DGKB: variants seen among roughly 807,000 people sequenced by gnomAD.
DGKB encodes diacylglycerol kinase beta.
DGKB carries 67 observed loss-of-function variants against 114.3 expected under a neutral mutation model. The ratio of observed to expected loss-of-function variants is 0.59; its 90% CI spans 0.48 to 0.72. The LOEUF (loss-of-function observed/expected upper bound fraction) is 0.72, where lower values mean the gene tolerates loss of function less well. DGKB is among the 30% of genes least tolerant of loss of function. DGKB has a pLI of 0.00. For synonymous variants in DGKB, 398 were observed against 323.1 expected, an observed-to-expected ratio of 1.23 and a Z score of -2.49; for missense variants, 907 against 975.2, an observed-to-expected ratio of 0.93 and a Z score of 0.93.
intron 13 of DGKB, among the ~76,000 whole-genome samples, chr7:14,661,549 G>A (rs1030907349): frequency 6.6e-6 from 1 of 151,100 alleles, no homozygotes; most frequent in African/African-American, 2.4e-5. Context: ...AAAAAGTCAG[G>A]AAACAACAGG....
intron 17 of DGKB, among the ~76,000 whole-genome samples, chr7:14,604,308 T>C (rs760803419): frequency 1.3e-5 from 2 of 152,102 alleles, no homozygotes; most frequent in Non-Finnish European, 2.9e-5. Context: ...GTTTTAGTAT[T>C]TGCCAGATAA....
intron 1 of DGKB, among the ~76,000 whole-genome samples, chr7:14,948,409 T>C (rs1282208547): frequency 2.0e-5 from 3 of 151,712 alleles, no homozygotes; most frequent in African/African-American, 4.8e-5. Flanking sequence ...TTCATTAGAA[T>C]GTTAAGGAAA....
At chr7:14,740,146 C>G (rs1001101647) in intron 4 of DGKB, among the ~76,000 whole-genome samples, 1 of 152,228 alleles carries the variant, frequency 6.6e-6, no homozygotes, top group Non-Finnish European at 1.5e-5. Flanking sequence ...GCCAAGGAGT[C>G]CAGCTCAGTG....
At chr7:14,710,761 T>A (rs1056591855) in intron 6 of DGKB, among the ~76,000 whole-genome samples, 9 of 152,150 alleles carry the variant, frequency 5.9e-5, no homozygotes, top group Non-Finnish European at 1.5e-5. Flanking sequence ...AATACTTTTA[T>A]GATTTTCTTC....
intron 9 of DGKB, among the ~76,000 whole-genome samples, chr7:14,687,746 T>A (rs186342134): frequency 6.6e-6 from 1 of 152,354 alleles, no homozygotes; most frequent in Admixed American, 6.5e-5. Flanking sequence ...TTCTTGTAAT[T>A]CTTGTCGTTT....
intron 20 of DGKB, among the ~76,000 whole-genome samples, chr7:14,525,057 T>A (rs1415557949): frequency 6.6e-6 from 1 of 152,146 alleles, no homozygotes; most frequent in Non-Finnish European, 1.5e-5. Context: ...TTTCTCTCCA[T>A]CTTGTGGCAT....
chr7:14,615,822 T>C (rs1806404454), intron 15 of DGKB, among the ~76,000 whole-genome samples: 1 of 151,730 alleles, frequency 6.6e-6, no homozygotes, highest in Non-Finnish European at 1.5e-5. Flanking sequence ...TTAGTTAATT[T>C]GATCTGTTTG....
chr7:14,316,072 T>C lies in DGKB; in HGVS notation c.2122+22443A>G, dbSNP rs952485589. Among the ~76,000 whole-genome samples the C allele has an allele frequency of 1.3e-4, 19 of 150,636 alleles. 1 individual carries two copies. The highest frequency in any genetic ancestry group is 4.5e-4 in the African/African-American group (18 of 40,378). The stretch of plus-strand genomic sequence containing the variant: ...GAAATGAAGGCAGAAATAAAGATGT[T>C]CTTTGAAACCAACGAGAACAAAGAC... On this transcript the variant is annotated intron_variant, in intron 23 of 25. Coordinates refer to ENST00000402815, the MANE Select transcript of DGKB (RefSeq NM_001350709.2).
intron 2 of DGKB, among the ~76,000 whole-genome samples, chr7:14,802,099 G>T (rs1253288105): frequency 2.0e-5 from 3 of 151,992 alleles, no homozygotes; most frequent in Admixed American, 6.6e-5. Context: ...GTCCAAGTCT[G>T]GGAATTGTCC....
intron 23 of DGKB, among the ~76,000 whole-genome samples, chr7:14,232,824 C>A (rs1448743347): frequency 1.3e-5 from 2 of 152,100 alleles, no homozygotes; most frequent in African/African-American, 2.4e-5. Flanking sequence ...AAAGTGCTCA[C>A]TAAAGTAGCA....
intron 1 of DGKB, among the ~76,000 whole-genome samples, chr7:14,909,336 G>A (rs939667450): frequency 6.6e-6 from 1 of 152,098 alleles, no homozygotes; most frequent in African/African-American, 2.4e-5. Context: ...TGCTGAAAGA[G>A]GGGTTGTTTT....
At chr7:14,842,138 C>T (rs1050106688) in intron 1 of DGKB, among the ~76,000 whole-genome samples, 4 of 152,190 alleles carry the variant, frequency 2.6e-5, no homozygotes, top group African/African-American at 9.7e-5. Flanking sequence ...GCTCAATAAT[C>T]AGCCAGATTG....
chr7:14,964,627 A>T (rs1474451245), intron 1 of DGKB, among the ~76,000 whole-genome samples: 1 of 152,210 alleles, frequency 6.6e-6, no homozygotes, highest in Non-Finnish European at 1.5e-5. Flanking sequence ...AATTTAATCT[A>T]TCATAATTGG....
chr7:14,546,401 G>C lies in DGKB; in HGVS notation c.1770+27811C>G, dbSNP rs111467814. On this transcript the variant is annotated intron_variant, in intron 20 of 25. Coordinates refer to ENST00000402815, the MANE Select transcript of DGKB (RefSeq NM_001350709.2). ...TCAACATTATCTCTCCTCTTCTTTC[G>C]CGTGACTGTAACTCAGGCCATTTCT... is the stretch of plus-strand genomic sequence containing the variant. Among the ~76,000 whole-genome samples, 523 of 151,992 alleles carry C rather than the reference G, an allele frequency of 3.4e-3. 1 individual carries two copies. Among genetic ancestry groups the C allele is most frequent in the African/African-American group, 0.012 (493 of 41,444 alleles).
chr7:14,903,212 A>AGTGTGTGTGTGTGTGTGTGTGT (rs34367492), upstream of DGKB: 14 of 137,408 alleles, frequency 1.0e-4, no homozygotes, highest in Non-Finnish European at 2.0e-4. Flanking sequence ...AAGTCTGTGC[A>AGTGTGTGTGTGTGTGTGTGTGT]GTGTGTGTGT....
intron 1 of DGKB, among the ~76,000 whole-genome samples, chr7:14,923,891 A>C (rs1312533461): frequency 6.8e-6 from 1 of 147,672 alleles, no homozygotes; most frequent in Non-Finnish European, 1.5e-5. Flanking sequence ...GCTACTTGGG[A>C]GGCTGAGGCA....
intron 20 of DGKB, among the ~76,000 whole-genome samples, chr7:14,513,819 G>A (rs1788354935): frequency 6.6e-6 from 1 of 151,826 alleles, no homozygotes; most frequent in South Asian, 2.1e-4. Flanking sequence ...AAAATAATGA[G>A]CATATGGATT....
At chr7:14,863,000 G>C (rs1851208733) in intron 1 of DGKB, among the ~76,000 whole-genome samples, 1 of 151,720 alleles carries the variant, frequency 6.6e-6, no homozygotes, top group Non-Finnish European at 1.5e-5. Flanking sequence ...TACTGTAAGA[G>C]GTCACAATAG....
At chr7:14,876,728 T>C (rs1853350121) in intron 1 of DGKB, among the ~76,000 whole-genome samples, 2 of 152,210 alleles carry the variant, frequency 1.3e-5, no homozygotes, top group Non-Finnish European at 2.9e-5. Context: ...TGATGCTACA[T>C]ATTGTCAATC....
Sources: allele counts gnomAD v4.1 joint callset (sites outside exome capture counted in the v4.1 genomes callset), GRCh38; gene constraint gnomAD v4.1.1; transcripts MANE v1.5; gene names NCBI Gene and HGNC (gene_info 2026-07-23, HGNC 2026-07-21).